PAXBP1: variants seen among roughly 807,000 people sequenced by gnomAD.
PAXBP1 encodes PAX3 and PAX7 binding protein 1.
In PAXBP1, 44 loss-of-function variants were observed where a neutral mutation model predicts 119.9. That is an observed-to-expected ratio of 0.37 (90% CI 0.29 to 0.47). PAXBP1 has a LOEUF of 0.47. Among genes scored for constraint, PAXBP1 ranks in the 20% least tolerant of loss-of-function variants. The pLI, the probability that PAXBP1 is intolerant of heterozygous loss-of-function variation, is 0.99. For synonymous variants in PAXBP1, 393 were observed against 406.6 expected, an observed-to-expected ratio of 0.97 and a Z score of 0.40; for missense variants, 898 against 1,134.1, an observed-to-expected ratio of 0.79 and a Z score of 2.99.
intron 8 of PAXBP1, among the ~76,000 whole-genome samples, chr21:32,752,644 CTATTTATT>C (rs1179321254): frequency 4.0e-5 from 6 of 151,678 alleles, no homozygotes; most frequent in Admixed American, 3.9e-4. Flanking sequence ...ATCTATCTAT[CTATTTATT>C]TATTGAGACG....
chr21:32,743,587 T>C (rs1162939800), intron 14 of PAXBP1, 91 bp downstream of exon 14: 2 of 971,946 alleles, frequency 2.1e-6, no homozygotes, highest in East Asian at 5.0e-5. Context: ...TGGGTGAAGT[T>C]TGTATTTCAA....
At chr21:32,763,696 A>G (rs2044189539) in intron 3 of PAXBP1, among the ~76,000 whole-genome samples, 1 of 152,208 alleles carries the variant, frequency 6.6e-6, no homozygotes, top group African/African-American at 2.4e-5. Context: ...TAAAACTAAC[A>G]GAAATTAGGC....
rs768484652 is a variant in PAXBP1 at position 32,759,980 on chromosome 21, T to C, written c.990A>G (p.Gln330=). The change falls in exon 6 of 18, where the codon CAA becomes CAG. Residue 330 remains glutamine (Q), a synonymous_variant. Transcript: ENST00000331923. ...GINIPQVQAS[Q]PAEVNMYYQN... ...GGTAGTACATATTCACTTCTGCGGG[T>C]TGACTGGCTTGAACCTAGAAAAGAA... 2.5e-5 allele frequency: 40 copies of C among 1,613,292 alleles called. No individual in the cohort carries two copies. Among genetic ancestry groups the C allele is most frequent in the Middle Eastern group, 1.6e-4 (1 of 6,082 alleles).
chr21:32,764,275 T>C, intron 3 of PAXBP1, 73 bp downstream of exon 3: 2 of 1,440,268 alleles, frequency 1.4e-6, no homozygotes, highest in South Asian at 2.6e-5. Context: ...AATTCCTTCT[T>C]AATAATCATC....
intron 6 of PAXBP1, 152 bp from the exon 7 acceptor site, chr21:32,759,421 C>CA (rs1359089788): frequency 2.4e-6 from 2 of 829,364 alleles, no homozygotes; most frequent in Non-Finnish European, 3.6e-6. Flanking sequence ...CTTTTTTTCT[C>CA]AAAAAACAAA....
chr21:32,743,179 C>A, intron 15 of PAXBP1, 69 bp downstream of exon 15: 1 of 1,180,348 alleles, frequency 8.5e-7, no homozygotes, highest in Non-Finnish European at 1.2e-6. Context: ...AAAAACAAAA[C>A]ACTCTAAAAA....
At chr21:32,751,270 GA>G (rs1181896516) in intron 8 of PAXBP1, 52 bp from the exon 9 acceptor site, 1 of 1,556,020 alleles carries the variant, frequency 6.4e-7, no homozygotes, top group Non-Finnish European at 8.8e-7. Flanking sequence ...CAATCTTGAG[GA>G]AAGAGTTTGC....
rs759110492 is a variant in PAXBP1 at position 32,745,708 on chromosome 21, C to T, written c.1934G>A (p.Arg645His). 3.0e-5 allele frequency: 49 copies of T among 1,613,652 alleles called. No homozygotes were observed. The highest frequency in any genetic ancestry group is 3.3e-4 in the Middle Eastern group (2 of 6,082). ...LTWTPLEAKC[R>H]DFENMLWFES... The stretch of plus-strand genomic sequence containing the variant: ...AAACCACAGCATATTCTCAAAGTCA[C>T]GACATTTTGCCTAAAAGACATTTAA... Residue 645 changes from arginine to histidine, a missense_variant, in exon 12 of 18, where the codon CGT becomes CAT. This residue lies in a region of PAXBP1 where 599 missense variants were observed against 852.7 expected (regional missense o/e 0.70). Transcript: ENST00000331923.
rs2043673981 is a variant in PAXBP1 at position 32,735,028 on chromosome 21, A to G, written c.2676T>C (p.Val892=). The part of the protein sequence containing the change: ...IKQIVKLLAS[V]RALDHAMSVA... Reference sequence around the variant, plus strand: ...CAGACATAGCATGATCCAAAGCTCGAACACTTGCAAGGAGTTTTACTATCT... The same window carrying G: ...CAGACATAGCATGATCCAAAGCTCGGACACTTGCAAGGAGTTTTACTATCT... The change falls in exon 18 of 18, where the codon GTT becomes GTC. Residue 892 remains valine (V), a synonymous_variant. Coordinates refer to ENST00000331923, the MANE Select transcript of PAXBP1 (RefSeq NM_016631.4). 1.2e-6 allele frequency: 2 copies of G among 1,613,692 alleles called. No homozygotes were observed. Among genetic ancestry groups the G allele is most frequent in the African/African-American group, 2.7e-5 (2 of 74,914 alleles).
chr21:32,753,690 T>A (rs2043998794), intron 8 of PAXBP1, among the ~76,000 whole-genome samples: 1 of 152,240 alleles, frequency 6.6e-6, no homozygotes, highest in Admixed American at 6.5e-5. Context: ...CTCAAATCTT[T>A]GGCAATTAAT....
intron 5 of PAXBP1, among the ~76,000 whole-genome samples, 178 bp downstream of exon 5, chr21:32,760,881 G>A (rs1422508824): frequency 6.9e-6 from 1 of 145,406 alleles, no homozygotes; most frequent in Admixed American, 7.1e-5. Flanking sequence ...AAAAGCCTAC[G>A]TGTCTCTGTG....
At chr21:32,764,318 T>C in intron 3 of PAXBP1, 30 bp downstream of exon 3, 2 of 1,606,628 alleles carry the variant, frequency 1.2e-6, no homozygotes, top group Non-Finnish European at 1.7e-6. Flanking sequence ...GGGTTTAGTT[T>C]AGTTCTGAGA....
intron 8 of PAXBP1, chr21:32,752,021 GC>G (rs1340974395): frequency 3.3e-5 from 5 of 152,126 alleles, no homozygotes; most frequent in African/African-American, 1.2e-4. Flanking sequence ...TCTCCCTGGG[GC>G]TCCCAACTGT....
chr21:32,760,270 G>C (rs973122286), intron 5 of PAXBP1, among the ~76,000 whole-genome samples: 5 of 152,148 alleles, frequency 3.3e-5, no homozygotes, highest in African/African-American at 1.2e-4. Context: ...TTTGATCAAT[G>C]AAAGAGGATA....
In PAXBP1 at chr21:32,744,773, T is replaced by G; in HGVS notation, c.2190+19A>C. ...AGAAAGAGGAAAAAAAAAAAAGGCTTCAAAAGATACTAAATTACCTGTGTA... is the reference window on the plus strand; with the variant it reads ...AGAAAGAGGAAAAAAAAAAAAGGCTGCAAAAGATACTAAATTACCTGTGTA... On this transcript the variant is annotated intron_variant, in intron 13 of 17. Transcript: ENST00000331923. 6.5e-7 allele frequency: 1 copy of G among 1,549,278 alleles called. No individual in the cohort carries two copies. Among genetic ancestry groups the G allele is most frequent in the African/African-American group, 1.4e-5 (1 of 70,764 alleles).
At chr21:32,748,067 A>ATGAGCCT (rs1193802571) in intron 11 of PAXBP1, among the ~76,000 whole-genome samples, 1 of 151,928 alleles carries the variant, frequency 6.6e-6, no homozygotes, top group East Asian at 1.9e-4. Flanking sequence ...GATTACAAGC[A>ATGAGCCT]TGAGCCACCA....
intron 11 of PAXBP1, among the ~76,000 whole-genome samples, chr21:32,748,069 G>A (rs957987375): frequency 4.6e-5 from 7 of 151,750 alleles, no homozygotes; most frequent in Non-Finnish European, 8.8e-5. Context: ...TTACAAGCAT[G>A]AGCCACCATG....
intron 3 of PAXBP1, among the ~76,000 whole-genome samples, chr21:32,762,850 G>A (rs957820790): frequency 6.7e-6 from 1 of 148,694 alleles, no homozygotes. Flanking sequence ...GGCAGAGGTT[G>A]CAGTGAGCCG....
intron 10 of PAXBP1, 92 bp from the exon 11 acceptor site, chr21:32,748,790 A>T: frequency 8.9e-7 from 1 of 1,118,114 alleles, no homozygotes; most frequent in Non-Finnish European, 1.3e-6. Flanking sequence ...TTGTAGCTTC[A>T]GTATCAGAAG....
Sources: gnomAD v4.1 joint callset for allele counts (sites outside exome capture counted in the v4.1 genomes callset) on GRCh38, gnomAD v4.1.1 for gene constraint, gnomAD v4.1.1 regional missense constraint, MANE v1.5 for transcripts, NCBI Gene and HGNC (gene_info 2026-07-23, HGNC 2026-07-21) for gene names.